Variants in PIP4K2A observed in about 807,000 individuals in gnomAD.
PIP4K2A encodes phosphatidylinositol-5-phosphate 4-kinase type 2 alpha.
PIP4K2A carries 14 observed loss-of-function variants against 42.9 expected under a neutral mutation model. The ratio of observed to expected loss-of-function variants is 0.33; its 90% confidence interval spans 0.22 to 0.51. The LOEUF is 0.51. Ranked by LOEUF, PIP4K2A falls within the 20% of genes least tolerant of loss-of-function variation. PIP4K2A has a pLI of 0.97. For missense variants in PIP4K2A, 434 were observed against 519.8 expected (o/e 0.83, Z 1.61); for synonymous variants, 192 against 192.2 (o/e 1.00, Z 0.01).
At chr10:22,605,450 C>T (rs544390019) in intron 3 of PIP4K2A, among the ~76,000 whole-genome samples, 58 of 151,620 alleles carry the variant, frequency 3.8e-4, no homozygotes, top group Non-Finnish European at 7.5e-4. Flanking sequence ...CTTTGTAGGG[C>T]GAAAAAAAGG....
At chr10:22,653,874 A>AAAATAAAT (rs45584635) in intron 1 of PIP4K2A, among the ~76,000 whole-genome samples, 1 of 152,030 alleles carries the variant, frequency 6.6e-6, no homozygotes, top group African/African-American at 2.4e-5. Flanking sequence ...ACTCCATCTC[A>AAAATAAAT]AAATAAATAA....
At chr10:22,714,129 G>C (rs910152618) in intron 1 of PIP4K2A, 54 bp downstream of exon 1, 4 of 1,523,384 alleles carry the variant, frequency 2.6e-6, no homozygotes, top group Non-Finnish European at 2.7e-6. Flanking sequence ...GGAGGGGAAC[G>C]AGGAGGAAGA....
rs117041658 is a variant in PIP4K2A at position 22,550,289 on chromosome 10, A to G, written c.792+370T>C. Among the ~76,000 whole-genome samples, 1,148 of 152,298 alleles carry G rather than the reference A, an allele frequency of 7.5e-3. 4 individuals carry two copies. The highest frequency in any genetic ancestry group is 0.012 in the Non-Finnish European group (831 of 68,024). Reference sequence around the variant, plus strand: ...AATAGTGACTGAATATTTGTTTTTGAGATGCTCTGCTGGTTGACACAGAGT... The same window carrying G: ...AATAGTGACTGAATATTTGTTTTTGGGATGCTCTGCTGGTTGACACAGAGT... On this transcript the variant is annotated intron_variant, in intron 7 of 9. Coordinates refer to ENST00000376573, the MANE Select transcript of PIP4K2A (RefSeq NM_005028.5).
chr10:22,554,773 C>T (rs1401569703), intron 6 of PIP4K2A, among the ~76,000 whole-genome samples: 1 of 152,150 alleles, frequency 6.6e-6, no homozygotes, highest in South Asian at 2.1e-4. Flanking sequence ...TGGGAGGGGA[C>T]GAGGGTATGG....
chr10:22,560,914 GTTTTC>G (rs2130777961), intron 6 of PIP4K2A, among the ~76,000 whole-genome samples: 1 of 152,322 alleles, frequency 6.6e-6, no homozygotes, highest in Admixed American at 6.5e-5. Flanking sequence ...GTCCAGTTAT[GTTTTC>G]TTTTACTTCC....
intron 2 of PIP4K2A, among the ~76,000 whole-genome samples, chr10:22,609,159 G>A (rs1055785483): frequency 2.6e-5 from 4 of 152,148 alleles, no homozygotes; most frequent in African/African-American, 7.2e-5. Context: ...TCATAATGAC[G>A]TCTAAAACAA....
intron 3 of PIP4K2A, among the ~76,000 whole-genome samples, chr10:22,594,095 A>G (rs1423898443): frequency 6.6e-6 from 1 of 152,176 alleles, no homozygotes; most frequent in African/African-American, 2.4e-5. Flanking sequence ...GGGGTGGGGC[A>G]TTTTCAGAAG....
At chr10:22,539,906 A>G (rs1836053559) in intron 9 of PIP4K2A, 65 bp downstream of exon 9, 1 of 336,604 alleles carries the variant, frequency 3.0e-6, no homozygotes, top group Non-Finnish European at 4.9e-6. Context: ...AGAGAGAGAG[A>G]GAGAGGGAGA....
At chr10:22,613,193 G>A (rs761439032) in intron 1 of PIP4K2A, among the ~76,000 whole-genome samples, 2 of 152,046 alleles carry the variant, frequency 1.3e-5, no homozygotes, top group Non-Finnish European at 2.9e-5. Context: ...GGAGGTCCTT[G>A]GCAACCTTGG....
intron 1 of PIP4K2A, among the ~76,000 whole-genome samples, chr10:22,624,122 C>T (rs1627983): frequency 0.28 from 42,785 of 151,054 alleles, 9,442 homozygotes; most frequent in African/African-American, 0.62. Flanking sequence ...CTCTAGTTTT[C>T]TTCACTATGT....
At chr10:22,635,472 T>C (rs895023358) in intron 1 of PIP4K2A, among the ~76,000 whole-genome samples, 24 of 152,154 alleles carry the variant, frequency 1.6e-4, no homozygotes, top group Admixed American at 1.4e-3. Context: ...AAGGCTGTGA[T>C]AGTATTGAGA....
chr10:22,547,515 C>T (rs7923540), intron 7 of PIP4K2A, among the ~76,000 whole-genome samples: 2,445 of 152,284 alleles, frequency 0.016, 50 homozygotes, highest in African/African-American at 0.054. Flanking sequence ...AGTGACACTG[C>T]ATGGGAAGGA....
intron 7 of PIP4K2A, among the ~76,000 whole-genome samples, chr10:22,543,789 C>T (rs554824178): frequency 2.0e-3 from 300 of 152,288 alleles, no homozygotes; most frequent in Middle Eastern, 6.8e-3. Flanking sequence ...TCCACCCGCA[C>T]GGTGAAGCCA....
intron 4 of PIP4K2A, among the ~76,000 whole-genome samples, chr10:22,579,251 C>G (rs537018341): frequency 1.3e-5 from 2 of 152,114 alleles, no homozygotes; most frequent in Admixed American, 1.3e-4. Context: ...AACTGTACCA[C>G]GCAATGTATC....
intron 2 of PIP4K2A, 89 bp downstream of exon 2, chr10:22,609,531 C>A (rs756584821): frequency 2.6e-6 from 2 of 755,096 alleles, no homozygotes; most frequent in Non-Finnish European, 4.7e-6. Flanking sequence ...TACTCCCACC[C>A]ATTGACAAAT....
At chr10:22,601,034 A>T (rs35756009) in intron 3 of PIP4K2A, among the ~76,000 whole-genome samples, 2 of 149,902 alleles carry the variant, frequency 1.3e-5, no homozygotes, top group Non-Finnish European at 3.0e-5. Context: ...CAGAAACTTC[A>T]CAGAGTGCCA....
At chr10:22,705,604 T>A (rs980699970) in intron 1 of PIP4K2A, among the ~76,000 whole-genome samples, 7 of 151,834 alleles carry the variant, frequency 4.6e-5, no homozygotes, top group Admixed American at 6.6e-5. Flanking sequence ...AACCAAAGAT[T>A]TACCCTGATG....
chr10:22,589,402 T>C (rs1221330886), intron 4 of PIP4K2A, among the ~76,000 whole-genome samples: 1 of 152,196 alleles, frequency 6.6e-6, no homozygotes, highest in Non-Finnish European at 1.5e-5. Flanking sequence ...AAATTTCCTG[T>C]AGAATAAGAG....
At chr10:22,657,472 TC>T (rs1251475242) in intron 1 of PIP4K2A, among the ~76,000 whole-genome samples, 2 of 152,224 alleles carry the variant, frequency 1.3e-5, no homozygotes, top group African/African-American at 4.8e-5. Flanking sequence ...CAGTAACAAG[TC>T]TTCCTAGAGC....
Sources: gnomAD v4.1 joint callset for allele counts (sites outside exome capture counted in the v4.1 genomes callset) on GRCh38, gnomAD v4.1.1 for gene constraint, MANE v1.5 for transcripts, NCBI Gene and HGNC (gene_info 2026-07-23, HGNC 2026-07-21) for gene names.